The following SHANK2 variants were observed in gnomAD, a reference collection of about 807,000 sequenced individuals.
SHANK2 encodes the protein SH3 and multiple ankyrin repeat domains 2.
SHANK2 carries 43 observed loss-of-function variants against 133.7 expected under a neutral mutation model. That is an observed-to-expected ratio of 0.32 (90% CI 0.25 to 0.41). The LOEUF (loss-of-function observed/expected upper bound fraction) is 0.41. SHANK2 is among the 10% of genes least tolerant of loss of function. The probability of loss-of-function intolerance (pLI) is 1.00; values close to 1 mark genes in which losing one functional copy is unlikely to be tolerated. For synonymous variants in SHANK2, 1,017 were observed against 952.8 expected (o/e 1.07, Z -1.24); for missense variants, 1,994 against 2,235.8 (o/e 0.89, Z 2.18).
chr11:71,183,070 G>A (rs1953591976), intron 2 of SHANK2, among the ~76,000 whole-genome samples: 1 of 152,182 alleles, frequency 6.6e-6, no homozygotes, highest in African/African-American at 2.4e-5. Flanking sequence ...CCAGCCAGGA[G>A]GGGAAATCTC....
chr11:70,602,280 T>C (rs143343700), intron 17 of SHANK2, among the ~76,000 whole-genome samples: 189 of 152,316 alleles, frequency 1.2e-3, no homozygotes, highest in Middle Eastern at 3.4e-3. Flanking sequence ...TCTTTTCTTA[T>C]AAATTACCCA....
At chr11:70,933,936 AAC>A (rs1950535831) in intron 10 of SHANK2, among the ~76,000 whole-genome samples, 1 of 151,810 alleles carries the variant, frequency 6.6e-6, no homozygotes, top group South Asian at 2.1e-4. Flanking sequence ...CAAACAAACA[AAC>A]AAAACAACAA....
At chr11:70,716,450 A>T (rs1555027296) in intron 14 of SHANK2, among the ~76,000 whole-genome samples, 2 of 152,210 alleles carry the variant, frequency 1.3e-5, no homozygotes, top group African/African-American at 4.8e-5. Flanking sequence ...TGTTGAGCTC[A>T]AGGAAACCGC....
chr11:70,722,806 A>T (rs1376829936), intron 14 of SHANK2, among the ~76,000 whole-genome samples: 1 of 152,240 alleles, frequency 6.6e-6, no homozygotes, highest in Non-Finnish European at 1.5e-5. Flanking sequence ...GAGACTTATT[A>T]AAAGAATCTC....
intron 12 of SHANK2, among the ~76,000 whole-genome samples, chr11:70,815,941 C>T (rs1325980608): frequency 6.6e-6 from 1 of 152,212 alleles, no homozygotes; most frequent in African/African-American, 2.4e-5. Flanking sequence ...GCCTCCCTGC[C>T]CAGGACAGTC....
chr11:70,941,825 T>C (rs1555084452), intron 10 of SHANK2, among the ~76,000 whole-genome samples: 1 of 151,940 alleles, frequency 6.6e-6, no homozygotes, highest in African/African-American at 2.4e-5. Context: ...AGCCTGTCTT[T>C]GTCTGTTTTG....
At chr11:71,246,308 C>G (rs1555124986) in intron 1 of SHANK2, among the ~76,000 whole-genome samples, 1 of 152,108 alleles carries the variant, frequency 6.6e-6, no homozygotes, top group Non-Finnish European at 1.5e-5. Context: ...TCCCCACCCC[C>G]ACCGAGGACT....
At chr11:71,163,071 TAAAAA>T (rs1159852026) in intron 2 of SHANK2, among the ~76,000 whole-genome samples, 7 of 45,608 alleles carry the variant, frequency 1.5e-4, no homozygotes, top group African/African-American at 2.4e-4. Context: ...AGACTCTGTC[TAAAAA>T]AAAAAAAAAA....
chr11:70,919,863 G>A (rs1950324343), intron 10 of SHANK2, among the ~76,000 whole-genome samples: 2 of 152,288 alleles, frequency 1.3e-5, no homozygotes, highest in African/African-American at 4.8e-5. Context: ...CTGGCTTGTG[G>A]TGCTTAACAT....
intron 2 of SHANK2, among the ~76,000 whole-genome samples, chr11:71,210,899 C>T (rs905303427): frequency 4.6e-5 from 7 of 152,196 alleles, no homozygotes; most frequent in Admixed American, 4.6e-4. Context: ...CCGGCACTCC[C>T]CTCATCCTCA....
chr11:71,248,408 C>G (rs533083428), intron 1 of SHANK2, among the ~76,000 whole-genome samples: 1 of 152,342 alleles, frequency 6.6e-6, no homozygotes, highest in South Asian at 2.1e-4. Flanking sequence ...CTTTCTCCAG[C>G]TGGGCAGCGT....
chr11:71,104,694 C>G (rs1951775909), intron 6 of SHANK2, among the ~76,000 whole-genome samples: 1 of 152,196 alleles, frequency 6.6e-6, no homozygotes, highest in Non-Finnish European at 1.5e-5. Flanking sequence ...CCTGGGTCCT[C>G]ACTTTTCTCT....
At chr11:71,116,260 G>A (rs1182666486) in intron 4 of SHANK2, among the ~76,000 whole-genome samples, 1 of 152,250 alleles carries the variant, frequency 6.6e-6, no homozygotes, top group African/African-American at 2.4e-5. Flanking sequence ...CACACATGCA[G>A]CCTCTTGCTG....
At chr11:70,750,582 G>T (rs1946733592) in intron 14 of SHANK2, among the ~76,000 whole-genome samples, 1 of 152,156 alleles carries the variant, frequency 6.6e-6, no homozygotes, top group Non-Finnish European at 1.5e-5. Context: ...CTGATAAAGG[G>T]GTCTCCATGG....
At chr11:70,867,892 T>A (rs1263609347) in intron 11 of SHANK2, among the ~76,000 whole-genome samples, 2 of 152,212 alleles carry the variant, frequency 1.3e-5, no homozygotes, top group African/African-American at 4.8e-5. Context: ...TCTGGGCTGT[T>A]TGCCTCTGTC....
rs571246391 is a variant in SHANK2, at chr11:70,502,859, G to A, written c.2134C>T (p.Leu712=). 1 of 1,613,182 alleles carries A rather than the reference G, an allele frequency of 6.2e-7. No homozygotes were observed. Among genetic ancestry groups the A allele is most frequent in the East Asian group, 2.2e-5 (1 of 44,796 alleles). ...VNMIRQGGNH[L]VLKVVTVTRN... is the part of the protein sequence containing the mutation. ...GTCACCGTGACCACCTTAAGGACCA[G>A]GTGATTCCCTCCCTGCCGGATCATG... The change falls in exon 18 of 26, where the codon CTG becomes TTG. Residue 712 remains leucine, a synonymous_variant. Transcript: ENST00000601538.
intron 17 of SHANK2, among the ~76,000 whole-genome samples, chr11:70,512,059 T>C (rs2059211144): frequency 1.3e-5 from 2 of 152,220 alleles, no homozygotes; most frequent in Admixed American, 1.3e-4. Flanking sequence ...ATTTACATTT[T>C]CGATATTATC....
intron 14 of SHANK2, among the ~76,000 whole-genome samples, chr11:70,747,447 TG>T (rs1401546638): frequency 2.0e-5 from 3 of 152,152 alleles, no homozygotes; most frequent in Non-Finnish European, 4.4e-5. Context: ...CCAGGAGCCA[TG>T]GGGGCCGGGT....
At chr11:70,701,984 CCATCAT>C (rs1254778029) in intron 14 of SHANK2, among the ~76,000 whole-genome samples, 1 of 150,998 alleles carries the variant, frequency 6.6e-6, no homozygotes, top group Non-Finnish European at 1.5e-5. Context: ...GCCATCATCA[CCATCAT>C]CATCACCACT....
Sources: allele counts gnomAD v4.1 joint callset (sites outside exome capture counted in the v4.1 genomes callset), GRCh38; gene constraint gnomAD v4.1.1; transcripts MANE v1.5; gene names NCBI Gene and HGNC (gene_info 2026-07-23, HGNC 2026-07-21).